Variants in DHX8 observed in about 807,000 individuals in gnomAD.
The protein encoded by DHX8 is ATP-dependent RNA helicase DHX8.
Under a neutral mutation model 140.7 loss-of-function variants are expected in DHX8, and 67 were observed. The ratio of observed to expected loss-of-function variants is 0.48; its 90% CI spans 0.39 to 0.58. The LOEUF is 0.58. Ranked by LOEUF, DHX8 falls within the 20% of genes least tolerant of loss-of-function variation. The pLI is 0.00. For synonymous variants in DHX8, 533 were observed against 553.2 expected, an observed-to-expected ratio of 0.96 and a Z score of 0.51; for missense variants, 887 against 1,550.7, an observed-to-expected ratio of 0.57 and a Z score of 7.19.
In DHX8 at chr17:43,523,622, C is replaced by T. The variant is rs376826695; in HGVS notation, c.3444-6C>T. ...AGGCTTGAGTACTATCTCTGTCCCC[C>T]CTCAGGGTGGTGTACCATGAGCTGG... On this transcript the variant is annotated splice_polypyrimidine_tract_variant and splice_region_variant and intron_variant, in intron 22 of 22. Coordinates refer to ENST00000262415, the MANE Select transcript of DHX8 (RefSeq NM_004941.3). 4.3e-6 allele frequency: 7 copies of T among 1,614,008 alleles called. No individual in the cohort carries two copies. The South Asian group carries it at 6.6e-5, about 15-fold the overall frequency.
chr17:43,516,390 C>T (rs750582681), intron 17 of DHX8, among the ~76,000 whole-genome samples: 2 of 152,120 alleles, frequency 1.3e-5, no homozygotes, highest in African/African-American at 4.8e-5. Flanking sequence ...GCATTTAATG[C>T]GAATGAACAT....
At chr17:43,529,051 G>A (rs1281314041), downstream of DHX8, 2 of 1,292,004 alleles carry the variant, frequency 1.5e-6, no homozygotes, top group African/African-American at 1.5e-5. Flanking sequence ...AAGTTGCTGA[G>A]AACTGCCCTG....
In DHX8 at chr17:43,520,884, G is replaced by A; in HGVS notation, c.3066+5G>A. 2 of 1,604,558 alleles carry A rather than the reference G, an allele frequency of 1.2e-6. No individual in the cohort carries two copies. Among genetic ancestry groups the A allele is most frequent in the Non-Finnish European group, 1.7e-6 (2 of 1,175,838 alleles). On this transcript the variant is annotated splice_donor_5th_base_variant and intron_variant, in intron 20 of 22. Transcript: ENST00000262415. ...AACGTCTTCTATAGGCCCAAGGTAG[G>A]AAGTTCAGATCCAAGTTTAGATGGG... is the stretch of plus-strand genomic sequence containing the variant.
At chr17:43,534,164 A>T (rs1971110774) in intron 2 of DHX8, among the ~76,000 whole-genome samples, 1 of 152,160 alleles carries the variant, frequency 6.6e-6, no homozygotes, top group Admixed American at 6.5e-5. Context: ...TATTTACATT[A>T]TGTCTAGTTT....
Position 43,491,262 on chromosome 17 carries a change from A to G in DHX8, c.393+12A>G, listed in dbSNP as rs377199330. 29 of 1,423,062 alleles carry G rather than the reference A, an allele frequency of 2.0e-5. No homozygotes were observed. Among genetic ancestry groups the G allele is most frequent in the Middle Eastern group, 1.8e-4 (1 of 5,494 alleles). 88.2% of individuals were successfully genotyped at this position (1,423,062 alleles called of 1,614,324 possible). On this transcript the variant is annotated intron_variant, in intron 4 of 22. Coordinates refer to ENST00000262415, the MANE Select transcript of DHX8 (RefSeq NM_004941.3). Reference sequence around the variant, plus strand: ...ACCCTTCTGTTCGGGTACTGATACCATTTTAAGAGTGTCTACTATAAATAT... The same window carrying G: ...ACCCTTCTGTTCGGGTACTGATACCGTTTTAAGAGTGTCTACTATAAATAT...
Position 43,507,678 on chromosome 17 carries a change from T to G in DHX8, c.2099T>G (p.Leu700Trp). The change falls in exon 14 of 23, where the codon TTG becomes TGG. Residue 700 changes from leucine to tryptophan, a missense_variant. Physicochemically the swap from Leu to Trp is moderately conservative, Grantham distance 61. Coordinates refer to ENST00000262415, the MANE Select transcript of DHX8 (RefSeq NM_004941.3). The stretch of plus-strand genomic sequence containing the variant: ...ATTCACACTGATGTGCTCTTTGGAT[T>G]GTTGAAAAAGGTAACTAGATGCTCT... Reference protein sequence around the residue: ...RTIHTDVLFGLLKKTVQKRQD... With the variant: ...RTIHTDVLFGWLKKTVQKRQD... 1 of 1,613,920 alleles carries G rather than the reference T, an allele frequency of 6.2e-7. No individual in the cohort carries two copies. Among genetic ancestry groups the G allele is most frequent in the Non-Finnish European group, 8.5e-7 (1 of 1,179,892 alleles).
downstream of DHX8, chr17:43,529,586 G>A (rs756584324): frequency 2.5e-6 from 4 of 1,614,106 alleles, no homozygotes; most frequent in South Asian, 3.3e-5. Context: ...ATCCAGCAAG[G>A]CCACCAGAAA....
At chr17:43,501,271 G>A (rs968645180) in intron 11 of DHX8, among the ~76,000 whole-genome samples, 1 of 152,116 alleles carries the variant, frequency 6.6e-6, no homozygotes, top group East Asian at 1.9e-4. Flanking sequence ...GATGGAGGTT[G>A]GGGAGTATGT....
chr17:43,544,783 A>G (rs1754213796), downstream of DHX8: 2 of 557,998 alleles, frequency 3.6e-6, no homozygotes, highest in African/African-American at 1.9e-5. Flanking sequence ...GAGAAAATAA[A>G]TATCAATATA....
At chr17:43,531,675 A>C (rs1022312143), downstream of DHX8, among the ~76,000 whole-genome samples, 1 of 152,066 alleles carries the variant, frequency 6.6e-6, no homozygotes, top group Non-Finnish European at 1.5e-5. Context: ...ATCTCAAAAC[A>C]AACAAACAGA....
Position 43,524,369 on chromosome 17 carries a change from C to T in DHX8, c.*522C>T. On this transcript the variant is annotated 3_prime_UTR_variant, in exon 23 of 23. Transcript: ENST00000262415. ...TTTAGCCGAAAGGTTAGGATATTGG[C>T]CTGGGCTCAGGGTGAGGGAGATTTA... The T allele has an allele frequency of 1.0e-6, 1 of 996,728 alleles. No homozygotes were observed. The highest frequency in any genetic ancestry group is 4.5e-5 in the South Asian group (1 of 22,410). The allele number at this position is 996,728 out of a possible 1,614,324, so 61.7% of individuals were successfully genotyped here. A position where few individuals can be genotyped will look rare whatever the true frequency, so the allele number is the denominator to read the frequency against.
chr17:43,532,652 C>G, intron 2 of DHX8: 1 of 1,600,606 alleles, frequency 6.2e-7, no homozygotes, highest in Non-Finnish European at 8.5e-7. Flanking sequence ...ACATGCCACC[C>G]TGCCCCACCC....
chr17:43,510,090 C>T (rs1174131361), intron 16 of DHX8, among the ~76,000 whole-genome samples: 1 of 151,838 alleles, frequency 6.6e-6, no homozygotes, highest in Admixed American at 6.6e-5. Context: ...CTCTTGTTGC[C>T]GAGGCTGGAG....
chr17:43,509,381 G>A (rs1044620767), intron 16 of DHX8, among the ~76,000 whole-genome samples: 2 of 152,082 alleles, frequency 1.3e-5, no homozygotes, highest in Non-Finnish European at 2.9e-5. Flanking sequence ...GTGTGTATGA[G>A]ACAACAGGAA....
At chr17:43,507,285 C>T (rs1969547377) in intron 13 of DHX8, 88 bp downstream of exon 13, 6 of 1,425,668 alleles carry the variant, frequency 4.2e-6, no homozygotes, top group South Asian at 2.8e-5. Context: ...AATAATACTG[C>T]CTTTTTTCAG....
chr17:43,484,181 C>G lies in DHX8; in HGVS notation c.144C>G (p.Asp48Glu). 7 of 1,613,736 alleles carry G rather than the reference C, an allele frequency of 4.3e-6. No homozygotes were observed. Among genetic ancestry groups the G allele is most frequent in the South Asian group, 1.1e-5 (1 of 91,070 alleles). The change falls in exon 1 of 23, where the codon GAC becomes GAG. Residue 48 changes from aspartate to glutamate, a missense_variant. By Grantham distance (45) the Asp-to-Glu change is conservative. Coordinates refer to ENST00000262415, the MANE Select transcript of DHX8 (RefSeq NM_004941.3). ...ATCACTTGGGGATCAACGACAAGGA[C>G]CTTGGTGAGCTCGGGGAGGTCCCTG... ...LDNHLGINDK[D>E]LAEFVISLAE...
downstream of DHX8, among the ~76,000 whole-genome samples, chr17:43,531,726 A>G (rs1036247636): frequency 5.3e-5 from 8 of 152,168 alleles, no homozygotes; most frequent in African/African-American, 1.9e-4. Context: ...AAACAAAACA[A>G]GAAAACCCTG....
Position 43,504,632 on chromosome 17 carries a change from T to C in DHX8, c.1547-12T>C. The C allele has an allele frequency of 6.2e-7, 1 of 1,603,564 alleles. No individual in the cohort carries two copies. Among genetic ancestry groups the C allele is most frequent in the Non-Finnish European group, 8.5e-7 (1 of 1,175,768 alleles). On this transcript the variant is annotated splice_polypyrimidine_tract_variant and intron_variant, in intron 11 of 22. Transcript: ENST00000262415. ...TTGAGGACAATACTAAGTTGCCTGT[T>C]TTCCTTTCCAGCGGAAGGCAGACAG...
At chr17:43,530,189 G>A, downstream of DHX8, 1 of 1,553,692 alleles carries the variant, frequency 6.4e-7, no homozygotes, top group Non-Finnish European at 8.7e-7. Context: ...CATCTGTGGG[G>A]GAAGAAGGGG....
Sources: allele counts gnomAD v4.1 joint callset (sites outside exome capture counted in the v4.1 genomes callset), GRCh38; gene constraint gnomAD v4.1.1; transcripts MANE v1.5; gene names NCBI Gene and HGNC (gene_info 2026-07-23, HGNC 2026-07-21).